PGM5: variants seen among roughly 807,000 people sequenced by gnomAD.
The protein encoded by PGM5 is phosphoglucomutase-like protein 5.
A neutral mutation model predicts 59.2 loss-of-function variants in PGM5; 23 were observed. The ratio of observed to expected loss-of-function variants is 0.39; its 90% CI spans 0.28 to 0.55. The LOEUF is 0.55. PGM5 is among the 20% of genes least tolerant of loss of function. The pLI, the probability that PGM5 is intolerant of heterozygous loss-of-function variation, is 0.66. For missense variants in PGM5, 574 were observed against 748.3 expected, an observed-to-expected ratio of 0.77 and a Z score of 2.72; for synonymous variants, 214 against 286.0, an observed-to-expected ratio of 0.75 and a Z score of 2.54.
In PGM5 at chr9:68,530,378, C is replaced by T. The variant is rs1825061288; in HGVS notation, c.*722C>T. 1 of 152,200 alleles carries T rather than the reference C, an allele frequency of 6.6e-6. No homozygotes were observed. The highest frequency in any genetic ancestry group is 2.1e-4 in the South Asian group (1 of 4,828). 9.4% of individuals were successfully genotyped at this position (152,200 alleles called of 1,614,324 possible). On this transcript the variant is annotated 3_prime_UTR_variant, in exon 11 of 11. Coordinates refer to ENST00000396396, the MANE Select transcript of PGM5 (RefSeq NM_021965.4). ...ATACCTTCTTTCAAATTCAGCCATT[C>T]AGTTGTAAAGTTGGGAAGAAGTTTC...
chr9:68,423,024 C>T (rs1823168392), intron 6 of PGM5, among the ~76,000 whole-genome samples: 1 of 152,198 alleles, frequency 6.6e-6, no homozygotes, highest in African/African-American at 2.4e-5. Flanking sequence ...AGTCTCCAGT[C>T]TCATCCAGGT....
intron 6 of PGM5, among the ~76,000 whole-genome samples, chr9:68,399,679 A>C (rs1822616192): frequency 1.3e-5 from 2 of 151,060 alleles, no homozygotes; most frequent in Admixed American, 1.3e-4. Flanking sequence ...AGTCTGATGA[A>C]TTTGCGGAAG....
chr9:68,527,067 C>A (rs1022339241), intron 10 of PGM5, among the ~76,000 whole-genome samples: 1 of 152,116 alleles, frequency 6.6e-6, no homozygotes, highest in African/African-American at 2.4e-5. Context: ...GGATGTTTTA[C>A]TGAAGAAGTG....
intron 7 of PGM5, among the ~76,000 whole-genome samples, chr9:68,472,138 T>C (rs1824029825): frequency 6.6e-6 from 1 of 152,138 alleles, no homozygotes; most frequent in South Asian, 2.1e-4. Context: ...GTGCCTCCTG[T>C]ACTTTATTTT....
chr9:68,423,227 T>C (rs1324690617), intron 6 of PGM5, among the ~76,000 whole-genome samples: 1 of 152,222 alleles, frequency 6.6e-6, no homozygotes, highest in Non-Finnish European at 1.5e-5. Context: ...TCTTTTCCTC[T>C]GAGTGGACAC....
At chr9:68,422,609 C>T (rs1823152193) in intron 6 of PGM5, among the ~76,000 whole-genome samples, 1 of 151,898 alleles carries the variant, frequency 6.6e-6, no homozygotes, top group African/African-American at 2.4e-5. Flanking sequence ...CTTTCTTCCC[C>T]ATTCATCTAG....
At chr9:68,393,222 A>G (rs1170486152) in intron 6 of PGM5, among the ~76,000 whole-genome samples, 1 of 152,058 alleles carries the variant, frequency 6.6e-6, no homozygotes, top group Non-Finnish European at 1.5e-5. Flanking sequence ...AGAGAATGTA[A>G]ATATCATATC....
chr9:68,499,161 G>A (rs1442331708), intron 9 of PGM5, 66 bp from the exon 10 acceptor site: 2 of 1,540,814 alleles, frequency 1.3e-6, no homozygotes, highest in African/African-American at 1.4e-5. Flanking sequence ...TCTGTGGCAG[G>A]TATTAATGAT....
At chr9:68,379,573 C>T (rs1186648055) in intron 2 of PGM5, among the ~76,000 whole-genome samples, 3 of 152,026 alleles carry the variant, frequency 2.0e-5, no homozygotes, top group African/African-American at 7.2e-5. Flanking sequence ...AAACAATTAG[C>T]AAAATGGCAG....
At chr9:68,457,968 T>G (rs984833415) in intron 6 of PGM5, among the ~76,000 whole-genome samples, 3 of 152,218 alleles carry the variant, frequency 2.0e-5, no homozygotes, top group Admixed American at 2.0e-4. Context: ...ATCTCTCAAC[T>G]TAGCTGGAGC....
chr9:68,444,056 T>C (rs1823572315), intron 6 of PGM5, among the ~76,000 whole-genome samples: 1 of 151,288 alleles, frequency 6.6e-6, no homozygotes, highest in Non-Finnish European at 1.5e-5. Context: ...CTCTCTTTCT[T>C]TCTTTCTTTT....
At chr9:68,459,410 A>ATGG (rs1275766723) in intron 6 of PGM5, among the ~76,000 whole-genome samples, 1 of 152,124 alleles carries the variant, frequency 6.6e-6, no homozygotes, top group Non-Finnish European at 1.5e-5. Flanking sequence ...CCCATCAATG[A>ATGG]TGAGTTTTGT....
chr9:68,438,238 G>A (rs1056981395), intron 6 of PGM5, among the ~76,000 whole-genome samples: 3 of 139,732 alleles, frequency 2.1e-5, no homozygotes, highest in African/African-American at 5.5e-5. Flanking sequence ...GCAGTGAGCC[G>A]AGATCGCACC....
chr9:68,360,769 A>G (rs1563979577), intron 1 of PGM5, among the ~76,000 whole-genome samples: 1 of 152,190 alleles, frequency 6.6e-6, no homozygotes, highest in African/African-American at 2.4e-5. Flanking sequence ...AGAAAATGAT[A>G]TTTTACCCCT....
At chr9:68,459,199 A>G (rs888250212) in intron 6 of PGM5, among the ~76,000 whole-genome samples, 1 of 152,202 alleles carries the variant, frequency 6.6e-6, no homozygotes, top group African/African-American at 2.4e-5. Context: ...TCTTTTAAAT[A>G]TACTTTTAAT....
chr9:68,503,552 C>T (rs1418523694), intron 10 of PGM5, among the ~76,000 whole-genome samples: 13 of 152,184 alleles, frequency 8.5e-5, no homozygotes, highest in Admixed American at 7.8e-4. Flanking sequence ...CTTTTGTGAG[C>T]GAAAGATAAT....
intron 10 of PGM5, among the ~76,000 whole-genome samples, chr9:68,509,768 T>C (rs968484517): frequency 2.0e-5 from 3 of 152,180 alleles, no homozygotes; most frequent in Non-Finnish European, 2.9e-5. Context: ...GCACAGGGAC[T>C]GTCCCTAATT....
At chr9:68,433,488 G>A (rs781856160) in intron 6 of PGM5, among the ~76,000 whole-genome samples, 3 of 152,120 alleles carry the variant, frequency 2.0e-5, no homozygotes, top group Non-Finnish European at 4.4e-5. Context: ...CCTCCTATAG[G>A]ATTATTTTGA....
intron 1 of PGM5, among the ~76,000 whole-genome samples, chr9:68,367,046 T>G (rs1394695385): frequency 7.7e-4 from 117 of 151,944 alleles, no homozygotes; most frequent in African/African-American, 2.7e-3. Flanking sequence ...TGGCGACTGT[T>G]GAAGGTGTGA....
Sources: gnomAD v4.1 joint callset for allele counts (sites outside exome capture counted in the v4.1 genomes callset) on GRCh38, gnomAD v4.1.1 for gene constraint, MANE v1.5 for transcripts, NCBI Gene and HGNC (gene_info 2026-07-23, HGNC 2026-07-21) for gene names.